DDX21: variants seen among roughly 807,000 people sequenced by gnomAD.
DDX21 encodes nucleolar RNA helicase 2.
Under a neutral mutation model 90.0 loss-of-function variants are expected in DDX21, and 18 were observed. That is an observed-to-expected ratio of 0.20 (90% CI 0.14 to 0.30). DDX21 has a LOEUF of 0.30. DDX21 is among the 10% of genes least tolerant of loss of function. The pLI is 1.00. For missense variants in DDX21, 673 were observed against 944.5 expected (o/e 0.71, Z 3.77); for synonymous variants, 294 against 318.0 (o/e 0.92, Z 0.80).
intron 1 of DDX21, among the ~76,000 whole-genome samples, chr10:68,958,225 C>T (rs1377094666): frequency 2.0e-5 from 3 of 151,924 alleles, no homozygotes; most frequent in Admixed American, 6.6e-5. Flanking sequence ...CCGCCCACCT[C>T]GGCCTCCCAA....
In DDX21 at chr10:68,960,150, A is replaced by G; in HGVS notation, c.432A>G (p.Arg144=). 2 of 1,614,206 alleles carry G rather than the reference A, an allele frequency of 1.2e-6. No homozygotes were observed. The highest frequency in any genetic ancestry group is 1.7e-6 in the Non-Finnish European group (2 of 1,180,026). ...KKEKEMNGET[R]EKSPKLKNGF... ...AAAAGGAAATGAATGGAGAAACTAGAGAGAAAAGCCCCAAACTGAAGAATG... is the reference window on the plus strand; with the variant it reads ...AAAAGGAAATGAATGGAGAAACTAGGGAGAAAAGCCCCAAACTGAAGAATG... Residue 144 remains arginine (R), a synonymous_variant, in exon 2 of 15, where the codon AGA becomes AGG. Transcript: ENST00000354185.
At chr10:68,957,243 A>G (rs2132076629) in intron 1 of DDX21, among the ~76,000 whole-genome samples, 1 of 152,274 alleles carries the variant, frequency 6.6e-6, no homozygotes, top group African/African-American at 2.4e-5. Flanking sequence ...GACCCACATG[A>G]GTTGACTGGA....
In DDX21 at chr10:68,984,261, C is replaced by T. The variant is rs1313579125; in HGVS notation, c.*1449C>T. On this transcript the variant is annotated 3_prime_UTR_variant, in exon 15 of 15. Coordinates refer to ENST00000354185, the MANE Select transcript of DDX21 (RefSeq NM_004728.4). ...TGAATACCTAGAATCTTTCTTGGTC[C>T]TGATTTCTCTTGCTTAATCCAGTCT... The T allele has an allele frequency of 6.6e-6, 1 of 152,130 alleles. No homozygotes were observed. The highest frequency in any genetic ancestry group is 1.9e-4 in the East Asian group (1 of 5,198). 9.4% of individuals were successfully genotyped at this position (152,130 alleles called of 1,614,324 possible).
intron 9 of DDX21, 43 bp downstream of exon 9, chr10:68,972,095 T>C (rs983404147): frequency 6.3e-7 from 1 of 1,578,116 alleles, no homozygotes; most frequent in Non-Finnish European, 8.6e-7. Flanking sequence ...TTGTTTTTTT[T>C]GGGTATTAAA....
chr10:68,964,286 G>T (rs1439006992), intron 4 of DDX21, among the ~76,000 whole-genome samples: 1 of 152,090 alleles, frequency 6.6e-6, no homozygotes, highest in Non-Finnish European at 1.5e-5. Flanking sequence ...GTGGGTTCTT[G>T]CAGTTGTCTT....
Position 68,956,278 on chromosome 10 carries a change from A to T in DDX21, c.53A>T (p.Lys18Ile). Reference protein sequence around the residue: ...DAGLESDTAMKKGETLRKQTE... With the variant: ...DAGLESDTAMIKGETLRKQTE... The stretch of plus-strand genomic sequence containing the variant: ...GGTTTGGAATCAGACACCGCAATGA[A>T]AAAAGGGGAGACACTGCGAAAGCAA... The change falls in exon 1 of 15, where the codon AAA becomes ATA. Residue 18 changes from lysine to isoleucine, a missense_variant. Lys to Ile is a moderately radical substitution (Grantham distance 102). Transcript: ENST00000354185. 1.2e-6 allele frequency: 2 copies of T among 1,614,194 alleles called. No homozygotes were observed. Among genetic ancestry groups the T allele is most frequent in the South Asian group, 2.2e-5 (2 of 91,090 alleles).
chr10:68,956,662 T>C (rs1842800325), intron 1 of DDX21: 2 of 1,115,716 alleles, frequency 1.8e-6, no homozygotes, highest in Non-Finnish European at 1.1e-6. Context: ...GTGCGCAGAG[T>C]TGGACCTTCA....
intron 11 of DDX21, among the ~76,000 whole-genome samples, chr10:68,976,443 A>G (rs1175844413): frequency 6.6e-6 from 1 of 151,904 alleles, no homozygotes; most frequent in Non-Finnish European, 1.5e-5. Flanking sequence ...ACCTGCCACC[A>G]CGCCCAGCTA....
chr10:68,958,110 CTTTAT>C (rs1217432922), intron 1 of DDX21, among the ~76,000 whole-genome samples: 33 of 152,116 alleles, frequency 2.2e-4, no homozygotes, highest in Admixed American at 2.1e-3. Context: ...TAAAGTGTCT[CTTTAT>C]TTTATTATTA....
Position 68,969,056 on chromosome 10 carries a change from A to C in DDX21, c.1171A>C (p.Lys391Gln). ...ATTTAATGTTGCCAAGAAATACATG[A>C]AATCTACATATGAACAGGTGGACCT... ...WVFNVAKKYM[K>Q]STYEQVDLIG... The change falls in exon 7 of 15, where the codon AAA becomes CAA. Residue 391 changes from lysine to glutamine, a missense_variant. By Grantham distance (53) the Lys-to-Gln change is moderately conservative. This residue lies in a region of DDX21 where 218 missense variants were observed against 347.3 expected (regional missense o/e 0.63). Coordinates refer to ENST00000354185, the MANE Select transcript of DDX21 (RefSeq NM_004728.4). 6.2e-7 allele frequency: 1 copy of C among 1,614,162 alleles called. No homozygotes were observed. The highest frequency in any genetic ancestry group is 2.2e-5 in the East Asian group (1 of 44,874).
chr10:68,980,726 G>T (rs544730200), intron 13 of DDX21, among the ~76,000 whole-genome samples: 1 of 151,262 alleles, frequency 6.6e-6, no homozygotes, highest in South Asian at 2.1e-4. Flanking sequence ...TGGTGTCCTG[G>T]CTAGGTGCCA....
chr10:68,971,815 C>T (rs909450350), intron 8 of DDX21, 76 bp from the exon 9 acceptor site: 72 of 1,442,322 alleles, frequency 5.0e-5, no homozygotes, highest in African/African-American at 2.8e-4. Context: ...ATGTCTTTTA[C>T]AGGCCTAACT....
chr10:68,977,487 C>CA, intron 11 of DDX21, 42 bp from the exon 12 acceptor site: 1 of 1,512,570 alleles, frequency 6.6e-7, no homozygotes. Context: ...GAAATGTGTC[C>CA]ACTTCTAGTA....
intron 5 of DDX21, 63 bp from the exon 6 acceptor site, chr10:68,966,955 G>C: frequency 7.2e-7 from 1 of 1,394,904 alleles, no homozygotes; most frequent in Non-Finnish European, 9.9e-7. Flanking sequence ...GTTAACTGTG[G>C]TACCCCACAC....
At chr10:68,967,706 T>C (rs375828821) in intron 6 of DDX21, among the ~76,000 whole-genome samples, 5 of 152,332 alleles carry the variant, frequency 3.3e-5, no homozygotes, top group African/African-American at 1.2e-4. Flanking sequence ...TCCTGATGTT[T>C]TGCATTTTAT....
chr10:68,979,224 T>C (rs959318517), intron 13 of DDX21, among the ~76,000 whole-genome samples: 3 of 152,210 alleles, frequency 2.0e-5, no homozygotes, highest in African/African-American at 7.2e-5. Flanking sequence ...TCTACCTAAA[T>C]AGCTTATTTA....
At chr10:68,966,332 C>A (rs1272233672) in intron 5 of DDX21, among the ~76,000 whole-genome samples, 1 of 151,790 alleles carries the variant, frequency 6.6e-6, no homozygotes, top group Admixed American at 6.6e-5. Flanking sequence ...GCCTCAGTCT[C>A]CCAAAGTGCT....
chr10:68,975,323 A>G (rs1399872913), intron 11 of DDX21, among the ~76,000 whole-genome samples: 1 of 152,182 alleles, frequency 6.6e-6, no homozygotes, highest in African/African-American at 2.4e-5. Context: ...CTGGCATTGG[A>G]GGCAAGAGAA....
intron 8 of DDX21, among the ~76,000 whole-genome samples, chr10:68,970,955 ATTTTTTTTTTTTTTTT>A (rs56314802): frequency 1.4e-5 from 1 of 72,518 alleles, no homozygotes; most frequent in African/African-American, 5.0e-5. Context: ...GCCCAGCCTA[ATTTTTTTTTTTTTTTT>A]TTTTTTTTTT....
Sources: allele counts gnomAD v4.1 joint callset (sites outside exome capture counted in the v4.1 genomes callset), GRCh38; gene constraint gnomAD v4.1.1; regional missense constraint gnomAD v4.1.1; transcripts MANE v1.5; gene names NCBI Gene and HGNC (gene_info 2026-07-23, HGNC 2026-07-21).